The following HTR4 variants were observed in gnomAD, a reference collection of about 807,000 sequenced individuals.
HTR4 encodes the protein 5-hydroxytryptamine (serotonin) receptor 4, G protein-coupled.
Under a neutral mutation model 36.8 loss-of-function variants are expected in HTR4, and 16 were observed. That is an observed-to-expected ratio of 0.43 (90% CI 0.29 to 0.66). The LOEUF (loss-of-function observed/expected upper bound fraction) is 0.66, where lower values mean the gene tolerates loss of function less well. Ranked by LOEUF, HTR4 falls within the 30% of genes least tolerant of loss-of-function variation. The pLI, the probability that HTR4 is intolerant of heterozygous loss-of-function variation, is 0.13. For missense variants in HTR4, 438 were observed against 490.9 expected, an observed-to-expected ratio of 0.89 and a Z score of 1.02; for synonymous variants, 189 against 185.1, an observed-to-expected ratio of 1.02 and a Z score of -0.17.
chr5:148,525,014 T>C (rs1758198425), intron 4 of HTR4, among the ~76,000 whole-genome samples: 1 of 152,124 alleles, frequency 6.6e-6, no homozygotes, highest in Non-Finnish European at 1.5e-5. Flanking sequence ...AAGCTCCTTG[T>C]AGCTGGCAAG....
intron 3 of HTR4, among the ~76,000 whole-genome samples, chr5:148,549,752 G>C (rs1305890922): frequency 6.6e-6 from 1 of 150,600 alleles, no homozygotes; most frequent in South Asian, 2.1e-4. Context: ...CCAGGGTTGA[G>C]ACTGATGAAG....
At chr5:148,609,050 T>C (rs1752297107) in intron 2 of HTR4, among the ~76,000 whole-genome samples, 1 of 152,214 alleles carries the variant, frequency 6.6e-6, no homozygotes, top group Admixed American at 6.5e-5. Flanking sequence ...ACTTTGATTC[T>C]GTGCTGAAGA....
At chr5:148,498,123 C>T (rs548489092) in intron 6 of HTR4, among the ~76,000 whole-genome samples, 3 of 152,260 alleles carry the variant, frequency 2.0e-5, no homozygotes, top group Non-Finnish European at 2.9e-5. Flanking sequence ...ATTTCATTGG[C>T]TACCCATTTG....
intron 1 of HTR4, among the ~76,000 whole-genome samples, chr5:148,641,471 C>T (rs1040402338): frequency 2.0e-5 from 3 of 152,222 alleles, no homozygotes; most frequent in Admixed American, 6.5e-5. Context: ...AAGGGATGGG[C>T]GAGGAGTTAA....
chr5:148,646,658 C>T (rs1480747475), intron 1 of HTR4, among the ~76,000 whole-genome samples: 3 of 152,112 alleles, frequency 2.0e-5, no homozygotes, highest in African/African-American at 7.2e-5. Context: ...TAGAGGGGCC[C>T]ATTTAACACA....
At chr5:148,470,000 A>G (rs565357745) in intron 5 of HTR4, among the ~76,000 whole-genome samples, 1 of 152,298 alleles carries the variant, frequency 6.6e-6, no homozygotes, top group South Asian at 2.1e-4. Flanking sequence ...GGGAGCTTCT[A>G]GTGAGATGAT....
intron 6 of HTR4, among the ~76,000 whole-genome samples, chr5:148,503,297 G>A (rs1374980041): frequency 2.0e-5 from 3 of 152,296 alleles, no homozygotes; most frequent in Admixed American, 6.5e-5. Context: ...GGATCTCTCC[G>A]CAGAAACTCT....
At chr5:148,608,941 A>G (rs1752292492) in intron 2 of HTR4, among the ~76,000 whole-genome samples, 1 of 152,230 alleles carries the variant, frequency 6.6e-6, no homozygotes, top group African/African-American at 2.4e-5. Flanking sequence ...ATGGCCAGTC[A>G]GGATGCTACA....
intron 2 of HTR4, among the ~76,000 whole-genome samples, chr5:148,611,678 T>A (rs1426296543): frequency 2.1e-4 from 32 of 150,718 alleles, no homozygotes; most frequent in Admixed American, 1.1e-3. Context: ...CACATAACAC[T>A]ATTAACTTTA....
intron 2 of HTR4, among the ~76,000 whole-genome samples, chr5:148,556,276 G>A (rs546785514): frequency 1.8e-4 from 27 of 152,160 alleles, no homozygotes; most frequent in African/African-American, 5.5e-4. Flanking sequence ...TGCCCGCCTC[G>A]GCCTCCCAAC....
intron 4 of HTR4, among the ~76,000 whole-genome samples, chr5:148,535,774 A>C (rs1461153712): frequency 6.6e-6 from 1 of 152,198 alleles, no homozygotes; most frequent in Admixed American, 6.5e-5. Context: ...GGCATCCCTG[A>C]AAGGGATGGG....
chr5:148,621,222 G>A (rs1752907347), intron 2 of HTR4, among the ~76,000 whole-genome samples: 2 of 152,202 alleles, frequency 1.3e-5, no homozygotes, highest in Non-Finnish European at 2.9e-5. Context: ...TTTACTGAGA[G>A]GGGATTCCAG....
chr5:148,511,990 A>C (rs938600021), intron 5 of HTR4, among the ~76,000 whole-genome samples: 1 of 152,218 alleles, frequency 6.6e-6, no homozygotes, highest in African/African-American at 2.4e-5. Context: ...CCATATCCAC[A>C]TAATTATAGT....
intron 1 of HTR4, among the ~76,000 whole-genome samples, chr5:148,641,357 C>T (rs956719810): frequency 6.6e-5 from 10 of 152,144 alleles, no homozygotes; most frequent in African/African-American, 2.2e-4. Flanking sequence ...TCACGCTGTA[C>T]TCTACCATCT....
rs547000928 is a variant in HTR4, at chr5:148,552,841, G to A, written c.27-2579C>T. The stretch of plus-strand genomic sequence containing the variant: ...AATGCTATGTATTAATATTACATAT[G>A]TAGATGATGCATTACATAGTAAGTG... On this transcript the variant is annotated intron_variant, in intron 2 of 6. Transcript: ENST00000377888. 3.3e-5 allele frequency among the ~76,000 whole-genome samples: 5 copies of A among 152,292 alleles called. No individual in the cohort carries two copies. The East Asian group carries it at 9.6e-4, about 29-fold the overall frequency.
intron 2 of HTR4, among the ~76,000 whole-genome samples, chr5:148,587,555 T>C (rs777504334): frequency 1.3e-5 from 2 of 152,184 alleles, no homozygotes; most frequent in Non-Finnish European, 2.9e-5. Context: ...AGGCTTTTCC[T>C]CCCAGTAGAA....
chr5:148,521,624 A>C (rs909470139), intron 5 of HTR4, among the ~76,000 whole-genome samples: 1 of 151,910 alleles, frequency 6.6e-6, no homozygotes. Flanking sequence ...AATTCCTTAC[A>C]GTATCCCTTT....
chr5:148,623,719 G>A (rs938243942), intron 2 of HTR4, among the ~76,000 whole-genome samples: 4 of 152,146 alleles, frequency 2.6e-5, no homozygotes, highest in African/African-American at 9.7e-5. Context: ...ATACACAGGA[G>A]GGACTTCAAC....
At chr5:148,585,226 ATC>A (rs1761302640) in intron 2 of HTR4, among the ~76,000 whole-genome samples, 1 of 152,216 alleles carries the variant, frequency 6.6e-6, no homozygotes, top group South Asian at 2.1e-4. Flanking sequence ...CAATGTAGGA[ATC>A]TCTCTCTGCA....
Sources: gnomAD v4.1 joint callset for allele counts (sites outside exome capture counted in the v4.1 genomes callset) on GRCh38, gnomAD v4.1.1 for gene constraint, MANE v1.5 for transcripts, NCBI Gene and HGNC (gene_info 2026-07-23, HGNC 2026-07-21) for gene names.